HK1: variants seen among roughly 807,000 people sequenced by gnomAD.
HK1 encodes the protein hexokinase-1.
Under a neutral mutation model 91.6 loss-of-function variants are expected in HK1, and 28 were observed. The ratio of observed to expected loss-of-function variants is 0.31; its 90% CI spans 0.23 to 0.42. HK1 has a LOEUF of 0.42. Ranked by LOEUF, HK1 falls within the 10% of genes least tolerant of loss-of-function variation. The probability of loss-of-function intolerance (pLI) is 1.00; values close to 1 mark genes in which losing one functional copy is unlikely to be tolerated. For missense variants in HK1, 770 were observed against 1,219.8 expected, an observed-to-expected ratio of 0.63 and a Z score of 5.49; for synonymous variants, 430 against 468.1, an observed-to-expected ratio of 0.92 and a Z score of 1.05.
rs56893382 is a variant in HK1 at position 69,336,637 on chromosome 10, CT to C, written c.64-7170del. ...GGGTCAATAGCATTTTGGTAGATGC[CT>C]TTTTTTTTTTTTTTTTTTTGAGATG... On this transcript the variant is annotated intron_variant, in intron 1 of 17. Transcript: ENST00000359426. Among the ~76,000 whole-genome samples, 272 of 114,146 alleles carry C rather than the reference CT, an allele frequency of 2.4e-3. 1 individual carries two copies. The highest frequency in any genetic ancestry group is 0.01 in the East Asian group (43 of 4,286). 74.9% of individuals were successfully genotyped at this position (114,146 alleles called of 152,430 possible).
chr10:69,320,787 C>T (rs1846977646), intron 1 of HK1, among the ~76,000 whole-genome samples: 1 of 152,162 alleles, frequency 6.6e-6, no homozygotes, highest in South Asian at 2.1e-4. Context: ...CCTCCAGCAG[C>T]TGAGCTGGGC....
chr10:69,275,243 G>T (rs116365772), intron 1 of HK1, among the ~76,000 whole-genome samples: 1 of 150,050 alleles, frequency 6.7e-6, no homozygotes, highest in South Asian at 2.1e-4. Context: ...TTTTAAGGCC[G>T]GGCACGGTGG....
chr10:69,294,139 G>A (rs1419775956), intron 3 of HK1, among the ~76,000 whole-genome samples: 1 of 152,082 alleles, frequency 6.6e-6, no homozygotes, highest in Non-Finnish European at 1.5e-5. Context: ...GGGATTACAG[G>A]CGTGAGCCAC....
Position 69,384,467 on chromosome 10 carries a change from G to A in HK1, c.1705G>A (p.Gly569Ser), listed in dbSNP as rs1839535083. 14 of 1,614,228 alleles carry A rather than the reference G, an allele frequency of 8.7e-6. No homozygotes were observed. Among genetic ancestry groups the A allele is most frequent in the Non-Finnish European group, 1.2e-5 (14 of 1,180,046 alleles). ...IYAIPIEIMQGTGEELFDHIV... is the reference protein window; with the variant it reads ...IYAIPIEIMQSTGEELFDHIV... ...CGCCATTCCTATTGAAATCATGCAG[G>A]GCACTGGGGAAGAGGTGAGATTACA... is the stretch of plus-strand genomic sequence containing the variant. The change falls in exon 11 of 18, where the codon GGC becomes AGC. Residue 569 changes from glycine (G) to serine (S), a missense_variant. By Grantham distance (56) the Gly-to-Ser change is moderately conservative. This residue lies in a region of HK1 where 48 missense variants were observed against 128.2 expected (regional missense o/e 0.37). Transcript: ENST00000359426.
At position 69,380,957 on chromosome 10, in the gene HK1, C is replaced by T. The variant is rs188474001; in HGVS notation, c.1265+862C>T. Among the ~76,000 whole-genome samples, 79 of 152,350 alleles carry T rather than the reference C, an allele frequency of 5.2e-4. No homozygotes were observed. Among genetic ancestry groups the T allele is most frequent in the Admixed American group, 5.0e-3 (76 of 15,300 alleles). On this transcript the variant is annotated intron_variant, in intron 9 of 17. Transcript: ENST00000359426. This position sits in a 1 kb window ranked among gnomAD's most constrained non-coding sequence, Gnocchi z 4.0. ...TGCATGTGAAGCACCCATGTCAGTA[C>T]TGCACCTTCACACCCAGTTCTGTTG...
chr10:69,301,938 T>G (rs189821939), intron 5 of HK1, among the ~76,000 whole-genome samples: 1 of 152,142 alleles, frequency 6.6e-6, no homozygotes, highest in Admixed American at 6.5e-5. Flanking sequence ...GAACTCACAT[T>G]TCCTGATTTC....
rs10578071 is a variant in HK1, at chr10:69,338,680, A to AGTGTGT, written c.64-5122_64-5117dup. The AGTGTGT allele has an allele frequency of 1.9e-5, 22 of 1,169,474 alleles. No homozygotes were observed. In the Admixed American group the frequency reaches 3.9e-4, roughly 21 times the overall value. 72.4% of individuals were successfully genotyped at this position (1,169,474 alleles called of 1,614,324 possible). On this transcript the variant is annotated intron_variant, in intron 1 of 17. Transcript: ENST00000359426. ...AAGGGGACAGGATTATGGAGATGTG[A>AGTGTGT]GTGTGTGTGTGTGTGTGTGTGTGTG...
upstream of HK1, among the ~76,000 whole-genome samples, chr10:69,315,014 G>T (rs1056785438): frequency 1.3e-5 from 2 of 152,020 alleles, no homozygotes; most frequent in Non-Finnish European, 2.9e-5. Context: ...TTGAGTCCAG[G>T]AGTTCGAGAC....
At position 69,360,030 on chromosome 10, in the gene HK1, C is replaced by T. The variant is rs749545834; in HGVS notation, c.360C>T (p.His120=). 172 of 1,613,930 alleles carry T rather than the reference C, an allele frequency of 1.1e-4. No individual in the cohort carries two copies. Among genetic ancestry groups the T allele is most frequent in the Middle Eastern group, 3.3e-4 (2 of 6,010 alleles). ...ATGACACCCCAGAGAACATCGTGCA[C>T]GGCAGTGGAAGCCAGGTGGGTCCCT... ...EVYDTPENIV[H]GSGSQLFDHV... The change falls in exon 3 of 18, where the codon CAC becomes CAT. Residue 120 remains histidine, a synonymous_variant. Transcript: ENST00000359426.
chr10:69,291,905 T>C (rs533274900), intron 3 of HK1, among the ~76,000 whole-genome samples: 2 of 152,250 alleles, frequency 1.3e-5, no homozygotes, highest in South Asian at 4.1e-4. Flanking sequence ...CAAGCCTTCA[T>C]TAGAGCCATT....
At chr10:69,334,173 T>A (rs757614467) in intron 1 of HK1, among the ~76,000 whole-genome samples, 1 of 152,136 alleles carries the variant, frequency 6.6e-6, no homozygotes, top group Non-Finnish European at 1.5e-5. Flanking sequence ...ACAGAGTTCA[T>A]TGAAACAGAA....
upstream of HK1, chr10:69,318,136 G>C: frequency 1.0e-6 from 1 of 985,464 alleles, no homozygotes; most frequent in Non-Finnish European, 1.2e-6. Flanking sequence ...GGGGGCGGGT[G>C]CTCTGGGGTG....
chr10:69,326,347 G>C (rs576495944), intron 1 of HK1, among the ~76,000 whole-genome samples: 4 of 151,978 alleles, frequency 2.6e-5, no homozygotes, highest in Non-Finnish European at 5.9e-5. Flanking sequence ...TATTATTCCC[G>C]GGCTTCCCAG....
At chr10:69,398,918 GC>G (rs1485858984) in intron 17 of HK1, 90 bp downstream of exon 17, 3 of 995,080 alleles carry the variant, frequency 3.0e-6, no homozygotes, top group Non-Finnish European at 4.6e-6. Flanking sequence ...CTGGGGAAAT[GC>G]CCTGCGGGAG....
At chr10:69,294,991 C>A (rs552704611) in intron 3 of HK1, among the ~76,000 whole-genome samples, 1 of 140,912 alleles carries the variant, frequency 7.1e-6, no homozygotes, top group African/African-American at 2.7e-5. Context: ...ATCATGCCAC[C>A]GCACTCCAAG....
upstream of HK1, chr10:69,315,813 A>T: frequency 1.2e-6 from 1 of 806,786 alleles, no homozygotes; most frequent in Admixed American, 1.8e-5. Flanking sequence ...TGGGGGTGGG[A>T]TGGACAGAGC....
intron 11 of HK1, 134 bp downstream of exon 11, chr10:69,384,615 T>C (rs1272424664): frequency 1.4e-6 from 2 of 1,430,034 alleles, no homozygotes; most frequent in Non-Finnish European, 2.0e-6. Context: ...ACCAGATGCT[T>C]TTTGCCATGC....
intron 3 of HK1, among the ~76,000 whole-genome samples, chr10:69,361,997 C>T (rs981935845): frequency 2.0e-4 from 30 of 151,966 alleles, no homozygotes; most frequent in Admixed American, 2.6e-4. Flanking sequence ...TTGTATTGTT[C>T]GTAGAGATGG....
At chr10:69,371,056 T>C (rs533477612) in intron 7 of HK1, among the ~76,000 whole-genome samples, 2 of 152,354 alleles carry the variant, frequency 1.3e-5, no homozygotes, top group African/African-American at 4.8e-5. Flanking sequence ...ACTAGCCATA[T>C]TGAAATGCAT....
Sources: allele counts gnomAD v4.1 joint callset (sites outside exome capture counted in the v4.1 genomes callset), GRCh38; gene constraint gnomAD v4.1.1; regional missense constraint gnomAD v4.1.1; non-coding constraint Gnocchi (gnomAD v3.1); transcripts MANE v1.5; gene names NCBI Gene and HGNC (gene_info 2026-07-23, HGNC 2026-07-21).